MRAP: variants seen among roughly 807,000 people sequenced by gnomAD.
MRAP encodes the protein melanocortin-2 receptor accessory protein.
A neutral mutation model predicts 8.7 loss-of-function variants in MRAP; 8 were observed. That is an observed-to-expected ratio of 0.92 (90% CI 0.54 to 1.66). The LOEUF is 1.66. Ranked by LOEUF, MRAP falls within the 40% of genes most tolerant of loss-of-function variation. The pLI is 0.00. For synonymous variants in MRAP, 95 were observed against 95.5 expected, an observed-to-expected ratio of 1.00 and a Z score of 0.03; for missense variants, 237 against 217.1, an observed-to-expected ratio of 1.09 and a Z score of -0.58.
upstream of MRAP, among the ~76,000 whole-genome samples, chr21:32,295,347 T>C (rs1411594923): frequency 6.6e-6 from 1 of 152,124 alleles, no homozygotes; most frequent in African/African-American, 2.4e-5. Context: ...TTGCATTCCT[T>C]CTCCCCTGAT....
In MRAP at chr21:32,312,217, A is replaced by G. The variant is rs1249650559; in HGVS notation, c.*221A>G. ...GTTGCTGAGTTTATTGAGCACACCT[A>G]GCCTGCTTGCTTACTGCTTATATTT... On this transcript the variant is annotated 3_prime_UTR_variant, in exon 3 of 3. Coordinates refer to ENST00000303645, the MANE Select transcript of MRAP (RefSeq NM_001379228.1). 1.9e-5 allele frequency: 27 copies of G among 1,455,476 alleles called. No individual in the cohort carries two copies. The highest frequency in any genetic ancestry group is 2.4e-5 in the Admixed American group (1 of 41,212). 90.2% of individuals were successfully genotyped at this position (1,455,476 alleles called of 1,614,324 possible). A position where few individuals can be genotyped will look rare whatever the true frequency, so the allele number is the denominator to read the frequency against.
At chr21:32,302,636 A>G (rs1680624431) in intron 1 of MRAP, among the ~76,000 whole-genome samples, 1 of 152,190 alleles carries the variant, frequency 6.6e-6, no homozygotes, top group Non-Finnish European at 1.5e-5. Context: ...TCATTGCACT[A>G]CCATCCCTGG....
At chr21:32,295,793 T>C (rs1226687181), upstream of MRAP, among the ~76,000 whole-genome samples, 1 of 152,010 alleles carries the variant, frequency 6.6e-6, no homozygotes, top group Non-Finnish European at 1.5e-5. Flanking sequence ...CTGGCCAACA[T>C]GGTGAAACCC....
rs111409514 is a variant in MRAP at position 32,300,526 on chromosome 21, C to T, written c.106+1449C>T. On this transcript the variant is annotated intron_variant, in intron 1 of 2. Transcript: ENST00000303645. ...GTCACGCATCCTATGTCACGTCATG[C>T]GTCGCATGTCAGATGCGTCACGTGT... 6.1e-3 allele frequency among the ~76,000 whole-genome samples: 911 copies of T among 149,472 alleles called. 3 individuals are homozygous for T. Among genetic ancestry groups the T allele is most frequent in the Middle Eastern group, 0.015 (4 of 262 alleles).
chr21:32,300,349 G>A lies in MRAP; in HGVS notation c.106+1272G>A, dbSNP rs554944754. 2.8e-4 allele frequency among the ~76,000 whole-genome samples: 43 copies of A among 151,976 alleles called. No homozygotes were observed. The East Asian group carries it at 4.3e-3, about 15-fold the overall frequency. On this transcript the variant is annotated intron_variant, in intron 1 of 2. Transcript: ENST00000303645. ...GCATCCTATGTCAGGGGCGTCACGC[G>A]TCCTATGTCAGATGTCACACATCCT...
chr21:32,306,569 T>A (rs1298490081), intron 1 of MRAP, 71 bp from the exon 2 acceptor site: 1 of 1,278,580 alleles, frequency 7.8e-7, no homozygotes, highest in African/African-American at 1.5e-5. Context: ...ACCCTGGGAC[T>A]CCTTACTGCC....
In MRAP at chr21:32,306,750, A is replaced by G. The variant is rs1245970656; in HGVS notation, c.206+11A>G. 1 of 1,609,282 alleles carries G rather than the reference A, an allele frequency of 6.2e-7. No individual in the cohort carries two copies. The highest frequency in any genetic ancestry group is 1.1e-5 in the South Asian group (1 of 90,950). On this transcript the variant is annotated intron_variant, in intron 2 of 2. Transcript: ENST00000303645. Reference sequence around the variant, plus strand: ...CTCCCCGCAGATGAGGTGGGTAAGAAGGGGTGTGAGTCTGTGGGTCACTCA... The same window carrying G: ...CTCCCCGCAGATGAGGTGGGTAAGAGGGGGTGTGAGTCTGTGGGTCACTCA...
At chr21:32,302,932 C>T (rs1601100991) in intron 1 of MRAP, among the ~76,000 whole-genome samples, 1 of 150,854 alleles carries the variant, frequency 6.6e-6, no homozygotes, top group East Asian at 2.0e-4. Context: ...CGGAAGCACA[C>T]AAGGGCTGAC....
At chr21:32,294,432 A>G (rs2032103963), upstream of MRAP, among the ~76,000 whole-genome samples, 1 of 152,016 alleles carries the variant, frequency 6.6e-6, no homozygotes. Flanking sequence ...TCCTGATTTT[A>G]ATTGCATCTC....
chr21:32,297,406 C>A (rs73901384), upstream of MRAP, among the ~76,000 whole-genome samples: 2 of 152,150 alleles, frequency 1.3e-5, no homozygotes, highest in Non-Finnish European at 2.9e-5. Flanking sequence ...TAAAACCCTA[C>A]AAAAACCCTC....
chr21:32,298,179 C>T (rs972312384), upstream of MRAP, among the ~76,000 whole-genome samples: 1 of 152,158 alleles, frequency 6.6e-6, no homozygotes, highest in East Asian at 1.9e-4. Context: ...TCAAGCTCTA[C>T]AGAAACCCAG....
At chr21:32,307,022 A>G (rs1302769688) in intron 2 of MRAP, among the ~76,000 whole-genome samples, 1 of 152,184 alleles carries the variant, frequency 6.6e-6, no homozygotes, top group East Asian at 1.9e-4. Context: ...CGTCCCTACA[A>G]TGGAATAGTA....
In MRAP at chr21:32,311,811, G is replaced by A; in HGVS notation, c.334G>A (p.Glu112Lys). The change falls in exon 3 of 3, where the codon GAG becomes AAG. Residue 112 changes from glutamate (E) to lysine (K), a missense_variant. Glu to Lys is a moderately conservative substitution (Grantham distance 56, BLOSUM62 1). Coordinates refer to ENST00000303645, the MANE Select transcript of MRAP (RefSeq NM_001379228.1). ...CTCACAGGCTCAGGCGAGCTCAGTG[G>A]AGCCAGGGAGCAGAACTGGCCCTGA... The part of the protein sequence containing the change: ...ATSQAQASSV[E>K]PGSRTGPDQP... 1 of 1,614,062 alleles carries A rather than the reference G, an allele frequency of 6.2e-7. No homozygotes were observed. The highest frequency in any genetic ancestry group is 1.1e-5 in the South Asian group (1 of 91,074).
At chr21:32,302,297 C>A (rs1193102019) in intron 1 of MRAP, among the ~76,000 whole-genome samples, 1 of 152,190 alleles carries the variant, frequency 6.6e-6, no homozygotes, top group Non-Finnish European at 1.5e-5. Flanking sequence ...AACTATCTCA[C>A]AACATAGCAA....
intron 1 of MRAP, among the ~76,000 whole-genome samples, chr21:32,299,940 T>C (rs1012345942): frequency 1.3e-5 from 2 of 152,178 alleles, no homozygotes; most frequent in African/African-American, 4.8e-5. Flanking sequence ...TCCAGCTACT[T>C]GATCACAATG....
At chr21:32,314,665 A>G (rs775490277), downstream of MRAP, 1 of 1,608,204 alleles carries the variant, frequency 6.2e-7, no homozygotes, top group Non-Finnish European at 8.5e-7. Flanking sequence ...GAGGCACTGG[A>G]TGGGCCTCAT....
At chr21:32,304,401 G>C (rs1264912744) in intron 1 of MRAP, among the ~76,000 whole-genome samples, 1 of 152,080 alleles carries the variant, frequency 6.6e-6, no homozygotes, top group Non-Finnish European at 1.5e-5. Context: ...TGGATCATGA[G>C]GTCAGGAGAT....
intron 2 of MRAP, among the ~76,000 whole-genome samples, chr21:32,307,062 T>A (rs1416672655): frequency 6.6e-6 from 1 of 152,168 alleles, no homozygotes; most frequent in African/African-American, 2.4e-5. Context: ...GGAGTTCTGA[T>A]CCATGCTGCA....
At chr21:32,308,151 T>C (rs2032464022) in intron 2 of MRAP, among the ~76,000 whole-genome samples, 1 of 152,114 alleles carries the variant, frequency 6.6e-6, no homozygotes, top group Admixed American at 6.5e-5. Context: ...GGTGGGCGGA[T>C]CACCTGAGAT....
Sources: allele counts gnomAD v4.1 joint callset (sites outside exome capture counted in the v4.1 genomes callset), GRCh38; gene constraint gnomAD v4.1.1; transcripts MANE v1.5; gene names NCBI Gene and HGNC (gene_info 2026-07-23, HGNC 2026-07-21).